Variants in CDKL5 observed in about 807,000 individuals in gnomAD.
The protein encoded by CDKL5 is cyclin dependent kinase like 5.
In CDKL5, 8 loss-of-function variants were observed where a neutral mutation model predicts 61.7. That is an observed-to-expected ratio of 0.13 (90% CI 0.08 to 0.23). CDKL5 has a LOEUF of 0.23. CDKL5 is among the 10% of genes least tolerant of loss of function. The pLI is 1.00. For synonymous variants in CDKL5, 275 were observed against 272.3 expected, an observed-to-expected ratio of 1.01 and a Z score of -0.10; for missense variants, 440 against 734.5, an observed-to-expected ratio of 0.60 and a Z score of 4.63.
intron 3 of CDKL5, among the ~76,000 whole-genome samples, chrX:18,552,277 C>A (rs1200801206): frequency 1.8e-5 from 2 of 109,260 alleles, no homozygotes; most frequent in Non-Finnish European, 3.8e-5. Flanking sequence ...AAAGAAAAAA[C>A]CCAAAATGTA....
chrX:18,427,254 C>T (rs1931385448), intron 1 of CDKL5, among the ~76,000 whole-genome samples: 1 of 101,728 alleles, frequency 9.8e-6, no homozygotes, highest in African/African-American at 3.7e-5. Flanking sequence ...TTGACACCAC[C>T]AGTAGGTGTT....
chrX:18,492,639 AATCCATCCTCAG>A (rs1922033446), intron 1 of CDKL5, among the ~76,000 whole-genome samples: 1 of 111,179 alleles, frequency 9.0e-6, no homozygotes, highest in Non-Finnish European at 1.9e-5. Flanking sequence ...CCCTGTCTCT[AATCCATCCTCAG>A]TGGTATTGAC....
chrX:18,630,566 T>G lies in CDKL5; in HGVS notation c.*1809T>G, dbSNP rs1189604466. ...ATAGCTCTGATGATTATGAAGATTA[T>G]AAAGACTAAGGTCCTAGTTTCCCTG... On this transcript the variant is annotated 3_prime_UTR_variant, in exon 18 of 18. Transcript: ENST00000623535. The G allele has an allele frequency of 1.3e-6, 1 of 750,285 alleles. No homozygotes were observed. The highest frequency in any genetic ancestry group is 2.3e-5 in the African/African-American group (1 of 42,733). 61.8% of individuals were successfully genotyped at this position (750,285 alleles called of 1,213,427 possible).
chrX:18,634,923 A>C lies in CDKL5; in HGVS notation c.*6166A>C. On this transcript the variant is annotated 3_prime_UTR_variant, in exon 18 of 18. Transcript: ENST00000623535. ...GCAGGGTGACATTTAGACTCTGTTC[A>C]TTCTTAAAAATAGGGATAAGCCAGA... 1 of 748,854 alleles carries C rather than the reference A, an allele frequency of 1.3e-6. No individual in the cohort carries two copies. The highest frequency in any genetic ancestry group is 1.6e-6 in the Non-Finnish European group (1 of 637,377). 61.7% of individuals were successfully genotyped at this position (748,854 alleles called of 1,213,427 possible).
chrX:18,481,683 A>G (rs1361636901), intron 1 of CDKL5, among the ~76,000 whole-genome samples: 2 of 109,494 alleles, frequency 1.8e-5, no homozygotes, highest in Non-Finnish European at 3.8e-5. Flanking sequence ...TTTATCACAG[A>G]ATGGTATTAG....
chrX:18,507,631 G>A (rs1922633705), intron 2 of CDKL5, among the ~76,000 whole-genome samples: 1 of 109,889 alleles, frequency 9.1e-6, no homozygotes, highest in Non-Finnish European at 1.9e-5. Context: ...GAGTGCAGTG[G>A]CATGATCTCG....
intron 1 of CDKL5, among the ~76,000 whole-genome samples, chrX:18,466,135 TC>T (rs1932397447): frequency 8.9e-6 from 1 of 111,748 alleles, no homozygotes; most frequent in Non-Finnish European, 1.9e-5. Flanking sequence ...CTCATTTTTG[TC>T]TAGATTTCTA....
chrX:18,451,791 C>T (rs907012427), intron 1 of CDKL5, among the ~76,000 whole-genome samples: 14 of 110,752 alleles, frequency 1.3e-4, no homozygotes, highest in African/African-American at 4.3e-4. Context: ...CCACTTGCCT[C>T]GGCCTCCCAC....
In CDKL5 at chrX:18,526,473, T is replaced by C. The variant is rs191155646; in HGVS notation, c.99+15619T>C. Among the ~76,000 whole-genome samples, 86 of 111,806 alleles carry C rather than the reference T, an allele frequency of 7.7e-4. 1 individual carries two copies. The highest frequency in any genetic ancestry group is 6.9e-3 in the Admixed American group (73 of 10,509). On this transcript the variant is annotated intron_variant, in intron 3 of 17. Coordinates refer to ENST00000623535, the MANE Select transcript of CDKL5 (RefSeq NM_001323289.2). ...TTTTCTTATCTTATTGTATTTCTTA[T>C]GACTTCCAGTACAGTGTTGAATATG...
At chrX:18,622,241 C>T (rs1056340133) in intron 16 of CDKL5, among the ~76,000 whole-genome samples, 5 of 112,246 alleles carry the variant, frequency 4.5e-5, no homozygotes, top group East Asian at 2.8e-4. Context: ...ATCCTCTCGA[C>T]TTAAACTTTT....
At chrX:18,487,397 A>G (rs770016897) in intron 1 of CDKL5, among the ~76,000 whole-genome samples, 2 of 112,637 alleles carry the variant, frequency 1.8e-5, no homozygotes, top group Non-Finnish European at 1.9e-5. Flanking sequence ...TCCTAAGCTC[A>G]AGCTATCCTT....
intron 20 of CDKL5, among the ~76,000 whole-genome samples, chrX:18,648,743 C>T (rs1927899147): frequency 8.9e-6 from 1 of 111,823 alleles, no homozygotes; most frequent in African/African-American, 3.2e-5. Flanking sequence ...GCCTAGATCA[C>T]ATCTGATAGT....
chrX:18,460,274 A>AG (rs1382624712), intron 1 of CDKL5, among the ~76,000 whole-genome samples: 1 of 110,688 alleles, frequency 9.0e-6, no homozygotes, highest in Non-Finnish European at 1.9e-5. Context: ...GGGGTGCCGT[A>AG]GGGGGGACCG....
chrX:18,576,116 A>G (rs952325008), intron 5 of CDKL5, among the ~76,000 whole-genome samples: 9 of 111,925 alleles, frequency 8.0e-5, no homozygotes, highest in African/African-American at 2.9e-4. Context: ...ACAGTAATCA[A>G]TAATGTGTGC....
Position 18,475,201 on chromosome X carries a change from C to T in CDKL5, c.-162-31734C>T, listed in dbSNP as rs896014195. On this transcript the variant is annotated intron_variant, in intron 1 of 17. Transcript: ENST00000623535. ...CTCAAACTCCTGACCTCACGTGATC[C>T]GCCCACCTTGGCCTCCCAAAGTGCT... Among the ~76,000 whole-genome samples the T allele has an allele frequency of 8.1e-5, 9 of 111,619 alleles. No homozygotes were observed. In the East Asian group the frequency reaches 2.2e-3, roughly 28 times the overall value.
At chrX:18,615,277 A>G (rs777255283) in intron 15 of CDKL5, among the ~76,000 whole-genome samples, 8 of 112,104 alleles carry the variant, frequency 7.1e-5, no homozygotes, top group Non-Finnish European at 1.3e-4. Flanking sequence ...CATTAGTTCA[A>G]CTTGACTCAT....
rs768320636 is a variant in CDKL5 at position 18,581,924 on chromosome X, A to G, written c.437A>G (p.Asn146Ser). The G allele has an allele frequency of 9.2e-6, 11 of 1,198,644 alleles. No individual in the cohort carries two copies. Among genetic ancestry groups the G allele is most frequent in the South Asian group, 3.5e-5 (2 of 56,473 alleles). ...IKPENLLISH[N>S]DVLKLCDFGF... ...CCAGAAAATCTCTTAATCAGCCACA[A>G]TGATGTCCTAAAACTGTGTGACTTT... Residue 146 changes from asparagine (N) to serine (S), a missense_variant, in exon 7 of 18, where the codon AAT (asparagine) becomes AGT (serine). Asn to Ser is a conservative substitution (Grantham distance 46). Around this residue, in one of 2 missense-constraint regions of CDKL5, gnomAD observed 77 missense variants for 218.2 expected, o/e 0.35. Coordinates refer to ENST00000623535, the MANE Select transcript of CDKL5 (RefSeq NM_001323289.2).
chrX:18,571,311 A>G (rs1925129208), intron 4 of CDKL5, among the ~76,000 whole-genome samples: 1 of 111,495 alleles, frequency 9.0e-6, no homozygotes, highest in African/African-American at 3.3e-5. Flanking sequence ...ATTGTATACT[A>G]TGCCACCTTT....
At chrX:18,640,843 G>T (rs1178719446), downstream of CDKL5, 1 of 112,453 alleles carries the variant, frequency 8.9e-6, no homozygotes, top group Non-Finnish European at 1.9e-5. Flanking sequence ...CCTCTCCCAG[G>T]AAGGGGCCTG....
Sources: gnomAD v4.1 joint callset for allele counts (sites outside exome capture counted in the v4.1 genomes callset) on GRCh38, gnomAD v4.1.1 for gene constraint, gnomAD v4.1.1 regional missense constraint, MANE v1.5 for transcripts, NCBI Gene and HGNC (gene_info 2026-07-23, HGNC 2026-07-21) for gene names.